AOX1: variants seen among roughly 807,000 people sequenced by gnomAD.
AOX1 encodes the protein aldehyde oxidase.
In AOX1, 153 loss-of-function variants were observed where a neutral mutation model predicts 169.5. That is an observed-to-expected ratio of 0.90 (90% CI 0.79 to 1.03). The LOEUF (loss-of-function observed/expected upper bound fraction) is 1.03, where lower values mean the gene tolerates loss of function less well. AOX1 is among the 50% of genes least tolerant of loss of function. The pLI is 0.00. For synonymous variants in AOX1, 562 were observed against 581.9 expected (o/e 0.97, Z 0.49); for missense variants, 1,656 against 1,663.9 (o/e 1.00, Z 0.08).
chr2:200,603,191 C>T, intron 6 of AOX1, 76 bp from the exon 7 acceptor site: 3 of 1,144,714 alleles, frequency 2.6e-6, no homozygotes, highest in Non-Finnish European at 3.9e-6. Context: ...TATGTTTCAA[C>T]TGGCATTCAC....
downstream of AOX1, among the ~76,000 whole-genome samples, chr2:200,675,098 A>G (rs1434603025): frequency 5.3e-5 from 8 of 152,194 alleles, no homozygotes; most frequent in Admixed American, 5.2e-4. Context: ...TGACAGAGCA[A>G]TGAAACAACC....
chr2:200,651,297 T>C, intron 26 of AOX1, 96 bp downstream of exon 26: 2 of 1,059,484 alleles, frequency 1.9e-6, no homozygotes, highest in Non-Finnish European at 2.8e-6. Flanking sequence ...ATATTAGCCA[T>C]ATGGTTGCAA....
chr2:200,677,075 A>G, downstream of AOX1: 1 of 374,398 alleles, frequency 2.7e-6, no homozygotes, highest in African/African-American at 2.2e-5. Flanking sequence ...CCATGATAGA[A>G]GCAATCTTTT....
intron 31 of AOX1, among the ~76,000 whole-genome samples, chr2:200,666,184 T>C (rs2035921110): frequency 6.6e-6 from 1 of 152,264 alleles, no homozygotes; most frequent in African/African-American, 2.4e-5. Flanking sequence ...TCTTCTCTGC[T>C]ACAAAAATGA....
chr2:200,648,355 C>G (rs575259778), intron 25 of AOX1, among the ~76,000 whole-genome samples: 65 of 152,312 alleles, frequency 4.3e-4, no homozygotes, highest in African/African-American at 1.5e-3. Flanking sequence ...TGATTGTTGT[C>G]TTTCTTCTGG....
intron 10 of AOX1, among the ~76,000 whole-genome samples, chr2:200,608,335 G>C (rs919036281): frequency 1.3e-5 from 2 of 152,158 alleles, no homozygotes; most frequent in Admixed American, 6.5e-5. Context: ...CTAAGTGCTG[G>C]ACAGAAGATA....
chr2:200,621,486 A>G (rs910075164), intron 18 of AOX1, among the ~76,000 whole-genome samples: 5 of 152,198 alleles, frequency 3.3e-5, no homozygotes, highest in African/African-American at 4.8e-5. Context: ...TAATAGTGAG[A>G]TGGCATACTG....
chr2:200,661,284 A>T (rs1400123127), intron 29 of AOX1, among the ~76,000 whole-genome samples: 3 of 152,182 alleles, frequency 2.0e-5, no homozygotes, highest in African/African-American at 7.2e-5. Flanking sequence ...CTTAATTGAA[A>T]ATTTTCTGCA....
At chr2:200,657,331 G>A (rs1292667217) in intron 27 of AOX1, among the ~76,000 whole-genome samples, 3 of 150,480 alleles carry the variant, frequency 2.0e-5, no homozygotes, top group Non-Finnish European at 4.4e-5. Context: ...CTCCAGCCTC[G>A]GTGGCAGAGC....
chr2:200,612,817 C>G, intron 14 of AOX1, 24 bp downstream of exon 14: 1 of 1,594,224 alleles, frequency 6.3e-7, no homozygotes, highest in Non-Finnish European at 8.5e-7. Flanking sequence ...AGTAAGGGCT[C>G]CTCTAATACT....
intron 18 of AOX1, among the ~76,000 whole-genome samples, chr2:200,622,759 G>T (rs1316033529): frequency 6.6e-6 from 1 of 152,208 alleles, no homozygotes; most frequent in Non-Finnish European, 1.5e-5. Context: ...AGTCTTTGGA[G>T]TGCCATTGTG....
chr2:200,665,302 T>C (rs1197283652), intron 31 of AOX1, among the ~76,000 whole-genome samples: 3 of 152,174 alleles, frequency 2.0e-5, no homozygotes, highest in Admixed American at 2.0e-4. Flanking sequence ...GGAGACTACA[T>C]ATGGATGTGA....
intron 20 of AOX1, among the ~76,000 whole-genome samples, chr2:200,634,480 A>G (rs1478804142): frequency 6.6e-6 from 1 of 152,100 alleles, no homozygotes; most frequent in East Asian, 1.9e-4. Flanking sequence ...TCACATTCCT[A>G]CGCCTCTGCT....
intron 1 of AOX1, among the ~76,000 whole-genome samples, chr2:200,587,283 A>G (rs1275327198): frequency 1.3e-5 from 2 of 152,112 alleles, no homozygotes; most frequent in South Asian, 4.1e-4. Flanking sequence ...GTGAGATCCT[A>G]TTTCTTAAAA....
Position 200,636,981 on chromosome 2 carries a change from C to A in AOX1, c.2417C>A (p.Ala806Glu), listed in dbSNP as rs373370000. The A allele has an allele frequency of 6.8e-6, 11 of 1,614,068 alleles. No individual in the cohort carries two copies. The South Asian group carries it at 1.1e-4, about 16-fold the overall frequency. Residue 806 changes from alanine to glutamate, a missense_variant, in exon 22 of 35, where the codon GCG (alanine) becomes GAG (glutamate). By Grantham distance (107) the Ala-to-Glu change is moderately radical. Transcript: ENST00000374700. ...TGCCATGTAAGGCGTGTTGGTGGAG[C>A]GTTTGGAGGGAAGGTGTTAAAAACC... ...VMCHVRRVGG[A>E]FGGKVLKTGI...
downstream of AOX1, among the ~76,000 whole-genome samples, chr2:200,674,753 T>C (rs573626435): frequency 6.6e-6 from 1 of 152,148 alleles, no homozygotes; most frequent in Non-Finnish European, 1.5e-5. Flanking sequence ...AGACCAAAAC[T>C]GGTCCTCAAT....
chr2:200,627,365 CA>C lies in AOX1; in HGVS notation c.2138del (p.His713ProfsTer77). 6.2e-7 allele frequency: 1 copy of C among 1,613,156 alleles called. No homozygotes were observed. Among genetic ancestry groups the C allele is most frequent in the Non-Finnish European group, 8.5e-7 (1 of 1,179,200 alleles). The part of the protein sequence containing the change: ...LILTIEESIQ[H>X]NSSFKPERKL... ...GTTCTCTTTCTAGGAAAGTATACAACACAACTCCTCCTTCAAGCCAGAAAGG... is the reference window on the plus strand; with the variant it reads ...GTTCTCTTTCTAGGAAAGTATACAACCAACTCCTCCTTCAAGCCAGAAAGG... On this transcript the variant is annotated frameshift_variant, in exon 20 of 35. Coordinates refer to ENST00000374700, the MANE Select transcript of AOX1 (RefSeq NM_001159.4). LOFTEE classifies it high-confidence loss of function.
intron 21 of AOX1, 66 bp downstream of exon 21, chr2:200,634,981 G>A: frequency 6.3e-7 from 1 of 1,577,744 alleles, no homozygotes; most frequent in East Asian, 2.2e-5. Flanking sequence ...TATATCAAGA[G>A]CAATTAGAGG....
chr2:200,615,960 C>A lies in AOX1; in HGVS notation c.1612-11C>A. 6.3e-7 allele frequency: 1 copy of A among 1,599,730 alleles called. No homozygotes were observed. Among genetic ancestry groups the A allele is most frequent in the African/African-American group, 1.3e-5 (1 of 74,766 alleles). ...ACTATTTAAAATATCTGCAATGGTT[C>A]TACTTTTCAGGATCCAGTTCACTAT... On this transcript the variant is annotated splice_polypyrimidine_tract_variant and intron_variant, in intron 15 of 34. Transcript: ENST00000374700.
Sources: gnomAD v4.1 joint callset for allele counts (sites outside exome capture counted in the v4.1 genomes callset) on GRCh38, gnomAD v4.1.1 for gene constraint, MANE v1.5 for transcripts, NCBI Gene and HGNC (gene_info 2026-07-23, HGNC 2026-07-21) for gene names.